TCAF1: variants seen among roughly 807,000 people sequenced by gnomAD.
TCAF1 encodes the protein TRPM8 channel-associated factor 1.
Under a neutral mutation model 27.3 loss-of-function variants are expected in TCAF1, and 4 were observed. That is an observed-to-expected ratio of 0.15 (90% CI 0.07 to 0.34). The LOEUF is 0.34. Ranked by LOEUF, TCAF1 falls within the 10% of genes least tolerant of loss-of-function variation. TCAF1 has a pLI of 1.00. For missense variants in TCAF1, 257 were observed against 425.8 expected (o/e 0.60, Z 3.49); for synonymous variants, 105 against 167.1 (o/e 0.63, Z 2.87).
At chr7:143,886,701 T>C (rs35809779) in intron 1 of TCAF1, among the ~76,000 whole-genome samples, 4 of 38,726 alleles carry the variant, frequency 1.0e-4, no homozygotes, top group Non-Finnish European at 1.7e-4. Flanking sequence ...AAATTTTACC[T>C]TTTTTTTTTT....
At chr7:143,898,977 A>G (rs2116876941) in intron 1 of TCAF1, among the ~76,000 whole-genome samples, 1 of 152,304 alleles carries the variant, frequency 6.6e-6, no homozygotes. Flanking sequence ...ATGCCATGGA[A>G]TGACACAGTA....
intron 2 of TCAF1, among the ~76,000 whole-genome samples, 199 bp downstream of exon 2, chr7:143,875,790 C>G (rs1043826710): frequency 6.6e-6 from 1 of 152,166 alleles, no homozygotes; most frequent in African/African-American, 2.4e-5. Context: ...GCTAAATGGT[C>G]TGGTTTGGGA....
chr7:143,883,503 T>TC (rs1371993533), intron 1 of TCAF1, among the ~76,000 whole-genome samples: 1 of 115,862 alleles, frequency 8.6e-6, no homozygotes, highest in African/African-American at 3.6e-5. Context: ...CCTTTTTCTT[T>TC]TTTTTTTTTT....
intron 1 of TCAF1, chr7:143,882,236 C>A (rs1196254431): frequency 2.5e-5 from 5 of 203,220 alleles, no homozygotes; most frequent in Non-Finnish European, 4.0e-5. Flanking sequence ...TCACTCAAGT[C>A]TCCAGGGGCC....
At chr7:143,879,210 TATGGCACAGAAAAGAAAATATAA>T (rs1328166881) in intron 1 of TCAF1, among the ~76,000 whole-genome samples, 1 of 152,208 alleles carries the variant, frequency 6.6e-6, no homozygotes, top group East Asian at 1.9e-4. Flanking sequence ...TAAGAGAAGA[TATGGCACAGAAAAGAAAATATAA>T]ATGGCCACTT....
chr7:143,892,287 A>G (rs771402042), intron 1 of TCAF1, among the ~76,000 whole-genome samples: 21 of 152,176 alleles, frequency 1.4e-4, no homozygotes, highest in Admixed American at 3.3e-4. Flanking sequence ...AGATGGAGAT[A>G]AACTTAAAAT....
intron 1 of TCAF1, among the ~76,000 whole-genome samples, chr7:143,891,004 C>T (rs1813614866): frequency 6.6e-6 from 1 of 152,168 alleles, no homozygotes; most frequent in African/African-American, 2.4e-5. Flanking sequence ...TCCATGATTT[C>T]AGTTGACACA....
At chr7:143,880,753 G>T (rs559095613) in intron 1 of TCAF1, among the ~76,000 whole-genome samples, 2 of 152,168 alleles carry the variant, frequency 1.3e-5, no homozygotes, top group South Asian at 4.2e-4. Context: ...CCTCTATGGG[G>T]GTCCCTTGAA....
intron 2 of TCAF1, among the ~76,000 whole-genome samples, chr7:143,875,151 C>A (rs1489139649): frequency 6.6e-6 from 1 of 152,172 alleles, no homozygotes; most frequent in Non-Finnish European, 1.5e-5. Context: ...TTGCTCCATT[C>A]CCATCAGTCA....
At chr7:143,883,090 T>C (rs183991850) in intron 1 of TCAF1, among the ~76,000 whole-genome samples, 101 of 152,308 alleles carry the variant, frequency 6.6e-4, no homozygotes, top group African/African-American at 2.4e-3. Context: ...TCTCTGACTC[T>C]ACATTAGTAA....
At chr7:143,878,035 A>G (rs978789202) in intron 1 of TCAF1, among the ~76,000 whole-genome samples, 1 of 152,202 alleles carries the variant, frequency 6.6e-6, no homozygotes, top group African/African-American at 2.4e-5. Flanking sequence ...GTTGCTTAAC[A>G]ATTGTGAGAC....
intron 1 of TCAF1, among the ~76,000 whole-genome samples, chr7:143,889,870 C>T (rs1813564871): frequency 6.6e-6 from 1 of 152,228 alleles, no homozygotes; most frequent in African/African-American, 2.4e-5. Flanking sequence ...GCCCATTCCT[C>T]TCATCAACTA....
chr7:143,893,442 T>C (rs770950962), intron 1 of TCAF1, among the ~76,000 whole-genome samples: 4 of 152,096 alleles, frequency 2.6e-5, no homozygotes, highest in Non-Finnish European at 5.9e-5. Context: ...ATGGTACATA[T>C]ACACCTACCA....
At chr7:143,894,408 A>T (rs548508634) in intron 1 of TCAF1, among the ~76,000 whole-genome samples, 2 of 151,998 alleles carry the variant, frequency 1.3e-5, no homozygotes, top group African/African-American at 4.8e-5. Context: ...TAAGTACATT[A>T]TAAGAACAAA....
intron 1 of TCAF1, chr7:143,885,496 G>A (rs1813358233): frequency 1.8e-5 from 18 of 985,258 alleles, no homozygotes; most frequent in Non-Finnish European, 2.2e-5. Context: ...CCCCAGATCC[G>A]GGATGGAGAC....
chr7:143,881,176 C>T (rs1422505799), intron 1 of TCAF1, among the ~76,000 whole-genome samples: 1 of 152,136 alleles, frequency 6.6e-6, no homozygotes, highest in Non-Finnish European at 1.5e-5. Context: ...ACCCATATCC[C>T]GTATGGTAGT....
chr7:143,900,671 T>C (rs1192943321), intron 1 of TCAF1, among the ~76,000 whole-genome samples: 1 of 149,114 alleles, frequency 6.7e-6, no homozygotes, highest in Non-Finnish European at 1.5e-5. Context: ...ACAGGACTTG[T>C]TTTGTTTGTT....
At chr7:143,879,504 T>C (rs1812901852) in intron 1 of TCAF1, among the ~76,000 whole-genome samples, 1 of 152,168 alleles carries the variant, frequency 6.6e-6, no homozygotes, top group African/African-American at 2.4e-5. Context: ...TCAAAAACAA[T>C]TTTATGGTGC....
chr7:143,880,769 C>A (rs577604806), intron 1 of TCAF1, among the ~76,000 whole-genome samples: 51 of 152,286 alleles, frequency 3.3e-4, no homozygotes, highest in African/African-American at 9.4e-4. Context: ...TTGAACTCTG[C>A]AGCTGGTTGT....
Sources: allele counts gnomAD v4.1 joint callset (sites outside exome capture counted in the v4.1 genomes callset), GRCh38; gene constraint gnomAD v4.1.1; transcripts MANE v1.5; gene names NCBI Gene and HGNC (gene_info 2026-07-23, HGNC 2026-07-21).